The following ANKS1B variants were observed in gnomAD, a reference collection of about 807,000 sequenced individuals.
ANKS1B encodes the protein ankyrin repeat and sterile alpha motif domain containing 1B.
ANKS1B carries 36 observed loss-of-function variants against 148.3 expected under a neutral mutation model. The ratio of observed to expected loss-of-function variants is 0.24; its 90% CI spans 0.19 to 0.32. The LOEUF (loss-of-function observed/expected upper bound fraction) is 0.32. Among genes scored for constraint, ANKS1B ranks in the 10% least tolerant of loss-of-function variants. The probability of loss-of-function intolerance (pLI) is 1.00; values close to 1 mark genes in which losing one functional copy is unlikely to be tolerated. For synonymous variants in ANKS1B, 542 were observed against 560.8 expected (o/e 0.97, Z 0.47); for missense variants, 1,157 against 1,542.6 (o/e 0.75, Z 4.19).
At chr12:99,609,033 C>T (rs1434384988) in intron 9 of ANKS1B, among the ~76,000 whole-genome samples, 6 of 151,914 alleles carry the variant, frequency 3.9e-5, no homozygotes, top group Admixed American at 3.9e-4. Context: ...ACATTGTCCT[C>T]AACAAAAATC....
intron 14 of ANKS1B, among the ~76,000 whole-genome samples, chr12:99,221,649 C>T (rs554014151): frequency 2.6e-5 from 4 of 152,124 alleles, no homozygotes; most frequent in Non-Finnish European, 4.4e-5. Flanking sequence ...TTTTCACCTA[C>T]CAAATATGTA....
intron 14 of ANKS1B, among the ~76,000 whole-genome samples, chr12:99,191,462 T>C (rs1249982678): frequency 6.6e-6 from 1 of 152,150 alleles, no homozygotes; most frequent in Non-Finnish European, 1.5e-5. Context: ...CCATCAATGA[T>C]AGACTGGATA....
At chr12:98,975,305 C>T (rs776022179) in intron 17 of ANKS1B, among the ~76,000 whole-genome samples, 6 of 147,798 alleles carry the variant, frequency 4.1e-5, no homozygotes, top group Non-Finnish European at 9.0e-5. Context: ...TCCCTCCCTC[C>T]TTCCTTCTTC....
intron 17 of ANKS1B, among the ~76,000 whole-genome samples, chr12:98,966,812 TCTCA>T (rs2099878357): frequency 6.9e-6 from 1 of 144,516 alleles, no homozygotes; most frequent in Admixed American, 7.2e-5. Context: ...CACCGCATGT[TCTCA>T]CTCACAGGTG....
chr12:99,599,487 T>C (rs1482074397), intron 9 of ANKS1B, among the ~76,000 whole-genome samples: 3 of 152,058 alleles, frequency 2.0e-5, no homozygotes, highest in Non-Finnish European at 4.4e-5. Context: ...CATTATATTG[T>C]GATATTTGCC....
Position 98,840,831 on chromosome 12 carries a change from T to G in ANKS1B, c.2779-8695A>C, listed in dbSNP as rs150000589. ...AAAGTTACTTTTAAGTAAAGCTTGC[T>G]GCCAGTTAAGTTTTTATAGGAGAAA... On this transcript the variant is annotated intron_variant, in intron 17 of 26. Coordinates refer to ENST00000683438, the MANE Select transcript of ANKS1B (RefSeq NM_001352186.2). Among the ~76,000 whole-genome samples, 4 of 152,368 alleles carry G rather than the reference T, an allele frequency of 2.6e-5. No homozygotes were observed. The East Asian group carries it at 7.7e-4, about 29-fold the overall frequency.
chr12:98,856,652 T>C (rs2099573332), intron 17 of ANKS1B, among the ~76,000 whole-genome samples: 1 of 152,182 alleles, frequency 6.6e-6, no homozygotes, highest in Admixed American at 6.5e-5. Flanking sequence ...TGTCTGTCTC[T>C]TCCTTCTAGA....
At chr12:99,844,088 T>C (rs918057837) in intron 1 of ANKS1B, among the ~76,000 whole-genome samples, 4 of 152,120 alleles carry the variant, frequency 2.6e-5, no homozygotes, top group Admixed American at 2.6e-4. Flanking sequence ...CACTTCTTAA[T>C]GGGGTTGTTT....
Position 98,745,174 on chromosome 12 carries a change from C to T in ANKS1B, c.*565G>A, listed in dbSNP as rs2097852907. 2 of 985,686 alleles carry T rather than the reference C, an allele frequency of 2.0e-6. No homozygotes were observed. The highest frequency in any genetic ancestry group is 2.4e-6 in the Non-Finnish European group (2 of 829,918). 61.1% of individuals were successfully genotyped at this position (985,686 alleles called of 1,614,324 possible). Reference sequence around the variant, plus strand: ...CATAGGTGATTACATATAAAATCCACAAATATAGAAATGGGGAAACAGAAT... The same window carrying T: ...CATAGGTGATTACATATAAAATCCATAAATATAGAAATGGGGAAACAGAAT... On this transcript the variant is annotated 3_prime_UTR_variant, in exon 27 of 27. Transcript: ENST00000683438.
intron 1 of ANKS1B, among the ~76,000 whole-genome samples, chr12:99,847,743 T>C (rs1266691410): frequency 6.6e-6 from 1 of 152,202 alleles, no homozygotes; most frequent in African/African-American, 2.4e-5. Flanking sequence ...TTCTTTTTTC[T>C]TGTTAACCTA....
At chr12:98,855,153 G>T (rs1428113155) in intron 17 of ANKS1B, among the ~76,000 whole-genome samples, 50 of 139,268 alleles carry the variant, frequency 3.6e-4, no homozygotes, top group Admixed American at 1.1e-3. Context: ...GCGACAGAGC[G>T]AGACTCCGTC....
chr12:98,770,205 T>A (rs2098548346), intron 25 of ANKS1B, among the ~76,000 whole-genome samples: 1 of 152,164 alleles, frequency 6.6e-6, no homozygotes, highest in Admixed American at 6.6e-5. Flanking sequence ...GCTATGAAAA[T>A]TAGGACTGGG....
chr12:99,473,410 G>C (rs182791299), intron 10 of ANKS1B, among the ~76,000 whole-genome samples: 45 of 151,970 alleles, frequency 3.0e-4, no homozygotes, highest in African/African-American at 1.0e-3. Flanking sequence ...ATATTGCAGT[G>C]AATATCCGTG....
At chr12:98,821,000 C>G (rs2099184870) in intron 19 of ANKS1B, among the ~76,000 whole-genome samples, 1 of 152,128 alleles carries the variant, frequency 6.6e-6, no homozygotes, top group African/African-American at 2.4e-5. Flanking sequence ...CTAAAACAAC[C>G]CAAACGTATA....
intron 9 of ANKS1B, among the ~76,000 whole-genome samples, chr12:99,518,886 G>T (rs2096848134): frequency 6.6e-6 from 1 of 151,898 alleles, no homozygotes; most frequent in African/African-American, 2.4e-5. Flanking sequence ...TCTTAGTACT[G>T]CTTTCACTAT....
At chr12:99,242,309 T>C (rs955687566) in intron 14 of ANKS1B, among the ~76,000 whole-genome samples, 1 of 152,110 alleles carries the variant, frequency 6.6e-6, no homozygotes, top group Non-Finnish European at 1.5e-5. Context: ...ACAAAGAGAA[T>C]AAAATACCTA....
chr12:99,358,136 A>G (rs545766496), intron 12 of ANKS1B, among the ~76,000 whole-genome samples: 5 of 152,066 alleles, frequency 3.3e-5, no homozygotes, highest in African/African-American at 1.2e-4. Context: ...GTTAACATTT[A>G]CTTCTTAATT....
intron 8 of ANKS1B, among the ~76,000 whole-genome samples, chr12:99,718,135 C>T (rs1162727222): frequency 2.6e-5 from 4 of 151,876 alleles, no homozygotes; most frequent in Admixed American, 6.6e-5. Flanking sequence ...GATCTGACCT[C>T]GTGATCCGCC....
At chr12:99,184,888 T>G (rs981035968) in intron 14 of ANKS1B, among the ~76,000 whole-genome samples, 2 of 152,218 alleles carry the variant, frequency 1.3e-5, no homozygotes, top group Non-Finnish European at 2.9e-5. Flanking sequence ...ACAAGATTGC[T>G]CTGGTTAAAT....
Sources: gnomAD v4.1 joint callset for allele counts (sites outside exome capture counted in the v4.1 genomes callset) on GRCh38, gnomAD v4.1.1 for gene constraint, MANE v1.5 for transcripts, NCBI Gene and HGNC (gene_info 2026-07-23, HGNC 2026-07-21) for gene names.